Variants in GALK2 observed in about 807,000 individuals in gnomAD.
GALK2 encodes galactokinase 2.
In GALK2, 36 loss-of-function variants were observed where a neutral mutation model predicts 52.4. The ratio of observed to expected loss-of-function variants is 0.69; its 90% CI spans 0.53 to 0.91. The LOEUF is 0.91. Among genes scored for constraint, GALK2 ranks in the 40% least tolerant of loss-of-function variants. The pLI, the probability that GALK2 is intolerant of heterozygous loss-of-function variation, is 0.00. For missense variants in GALK2, 579 were observed against 559.1 expected, an observed-to-expected ratio of 1.04 and a Z score of -0.36; for synonymous variants, 176 against 199.1, an observed-to-expected ratio of 0.88 and a Z score of 0.98.
chr15:49,364,329 A>C (rs531406087), intron 3 of GALK2, among the ~76,000 whole-genome samples: 2 of 152,014 alleles, frequency 1.3e-5, no homozygotes, highest in Non-Finnish European at 2.9e-5. Context: ...GTTTATTCCT[A>C]GTTCAATCTT....
In GALK2 at chr15:49,235,885, G is replaced by T. The variant is rs751661500; in HGVS notation, c.301G>T (p.Asp101Tyr). The change falls in exon 4 of 10, where the codon GAT becomes TAT. Residue 101 changes from aspartate (D) to tyrosine (Y), a missense_variant. Asp to Tyr is a radical substitution (Grantham distance 160). Coordinates refer to ENST00000560031, the MANE Select transcript of GALK2 (RefSeq NM_002044.4). ...FSTSANNIQI[D>Y]KTKPLWHNYF... ...TACTAGTGCTAATAACATCCAGATT[G>T]ATAAAACCAAGCCTTTGTGGCACAA... 6 of 1,613,724 alleles carry T rather than the reference G, an allele frequency of 3.7e-6. No homozygotes were observed. Among genetic ancestry groups the T allele is most frequent in the Non-Finnish European group, 5.1e-6 (6 of 1,179,654 alleles).
intron 1 of GALK2, among the ~76,000 whole-genome samples, chr15:49,192,899 C>T (rs2086876665): frequency 6.6e-6 from 1 of 152,244 alleles, no homozygotes; most frequent in South Asian, 2.1e-4. Flanking sequence ...ATCCTTCTGC[C>T]TTGGCATCCC....
At chr15:49,235,716 A>G in intron 3 of GALK2, 135 bp from the exon 4 acceptor site, 1 of 777,136 alleles carries the variant, frequency 1.3e-6, no homozygotes. Flanking sequence ...GTTTTGCTGT[A>G]GACACACAGT....
At chr15:49,210,778 G>A (rs185295160) in intron 2 of GALK2, among the ~76,000 whole-genome samples, 13 of 151,666 alleles carry the variant, frequency 8.6e-5, no homozygotes, top group Admixed American at 3.9e-4. Context: ...ATGTAGTCTC[G>A]CCCTGTTGCC....
At chr15:49,217,780 C>A (rs929559451) in intron 3 of GALK2, among the ~76,000 whole-genome samples, 11 of 152,150 alleles carry the variant, frequency 7.2e-5, no homozygotes, top group South Asian at 4.1e-4. Context: ...TCTTCAATGC[C>A]CTAGCATATA....
chr15:49,170,367 A>T lies in GALK2; in HGVS notation c.45A>T (p.Glu15Asp). ...SPATRRVQVA[E>D]HPRLLKLKEM... ...CTACGCGTCGGGTCCAGGTGGCAGA[A>T]CATCCTAGGTGGGGGAGAGGAGACG... The change falls in exon 1 of 10, where the codon GAA (glutamate) becomes GAT (aspartate). Residue 15 changes from glutamate to aspartate, a missense_variant. Transcript: ENST00000560031. The T allele has an allele frequency of 6.3e-7, 1 of 1,591,420 alleles. No homozygotes were observed. Among genetic ancestry groups the T allele is most frequent in the South Asian group, 1.1e-5 (1 of 87,036 alleles).
intron 8 of GALK2, among the ~76,000 whole-genome samples, chr15:49,310,839 G>A (rs941229228): frequency 1.2e-4 from 19 of 152,078 alleles, no homozygotes; most frequent in Admixed American, 6.5e-5. Flanking sequence ...TCTGCAAGTT[G>A]TCTCTTCACT....
chr15:49,307,207 A>T (rs2035614767), intron 8 of GALK2, among the ~76,000 whole-genome samples: 1 of 152,158 alleles, frequency 6.6e-6, no homozygotes, highest in Non-Finnish European at 1.5e-5. Flanking sequence ...GGTACTCTGC[A>T]TGCTGCCAGT....
chr15:49,359,370 A>C (rs1405062367), intron 3 of GALK2, among the ~76,000 whole-genome samples: 2 of 119,978 alleles, frequency 1.7e-5, no homozygotes. Context: ...AGAATCTACA[A>C]TAAACTCAAA....
chr15:49,199,488 T>C (rs186192343), intron 1 of GALK2, among the ~76,000 whole-genome samples: 2 of 152,320 alleles, frequency 1.3e-5, no homozygotes, highest in Non-Finnish European at 2.9e-5. Flanking sequence ...CCTGCTGCAA[T>C]CTTTTGTTCT....
intron 2 of GALK2, among the ~76,000 whole-genome samples, chr15:49,214,426 G>A (rs1365379624): frequency 6.7e-6 from 1 of 149,336 alleles, no homozygotes; most frequent in African/African-American, 2.5e-5. Flanking sequence ...TGCCTCCCGG[G>A]TTCAAGCGAT....
At chr15:49,225,215 C>T (rs1378996099) in intron 3 of GALK2, 1 of 455,974 alleles carries the variant, frequency 2.2e-6, no homozygotes, top group Admixed American at 2.3e-5. Context: ...GTCTTCCGGG[C>T]TGCAGGGCTC....
At chr15:49,355,848 G>A (rs1267789734) in intron 3 of GALK2, among the ~76,000 whole-genome samples, 2 of 152,088 alleles carry the variant, frequency 1.3e-5, no homozygotes, top group African/African-American at 4.8e-5. Flanking sequence ...GAGAAAGGTC[G>A]GGTCACCCTC....
At position 49,253,902 on chromosome 15, in the gene GALK2, G is replaced by C. The variant is rs1375359568; in HGVS notation, c.504+14535G>C. Among the ~76,000 whole-genome samples, 2 of 144,168 alleles carry C rather than the reference G, an allele frequency of 1.4e-5. 1 individual carries two copies. Among genetic ancestry groups the C allele is most frequent in the Non-Finnish European group, 3.1e-5 (2 of 64,214 alleles). 94.6% of individuals were successfully genotyped at this position (144,168 alleles called of 152,430 possible). On this transcript the variant is annotated intron_variant, in intron 5 of 9. Coordinates refer to ENST00000560031, the MANE Select transcript of GALK2 (RefSeq NM_002044.4). Reference sequence around the variant, plus strand: ...AAAACTGTTGAGGGGCACAGTCATTGGGTGGATAGGCTTAGGTTCATTCAG... The same window carrying C: ...AAAACTGTTGAGGGGCACAGTCATTCGGTGGATAGGCTTAGGTTCATTCAG...
intron 5 of GALK2, among the ~76,000 whole-genome samples, chr15:49,280,625 T>C (rs1298973713): frequency 6.6e-5 from 10 of 152,118 alleles, no homozygotes; most frequent in Non-Finnish European, 7.4e-5. Context: ...TATATCAGTT[T>C]TTCAGAATAA....
chr15:49,203,004 A>C (rs2087917715), intron 2 of GALK2, among the ~76,000 whole-genome samples: 1 of 152,120 alleles, frequency 6.6e-6, no homozygotes, highest in African/African-American at 2.4e-5. Context: ...TCTTCTTTTT[A>C]GAAATGTCTA....
At chr15:49,225,176 G>C (rs1344024397) in intron 3 of GALK2, 6 of 455,584 alleles carry the variant, frequency 1.3e-5, no homozygotes, top group Middle Eastern at 3.3e-4. Flanking sequence ...CTGATCACTG[G>C]CACTGATCCT....
At chr15:49,337,125 G>A (rs1049981145) in intron 3 of GALK2, among the ~76,000 whole-genome samples, 2 of 152,104 alleles carry the variant, frequency 1.3e-5, no homozygotes, top group Non-Finnish European at 2.9e-5. Flanking sequence ...CCATGTCTTT[G>A]CTATTGTGAA....
At chr15:49,280,270 G>T (rs1027373729) in intron 5 of GALK2, among the ~76,000 whole-genome samples, 43 of 152,308 alleles carry the variant, frequency 2.8e-4, no homozygotes, top group African/African-American at 9.1e-4. Flanking sequence ...TATTAACAGG[G>T]AGTGCTGAGG....
Sources: allele counts gnomAD v4.1 joint callset (sites outside exome capture counted in the v4.1 genomes callset), GRCh38; gene constraint gnomAD v4.1.1; transcripts MANE v1.5; gene names NCBI Gene and HGNC (gene_info 2026-07-23, HGNC 2026-07-21).